The following LRRIQ3 variants were observed in gnomAD, a reference collection of about 807,000 sequenced individuals.
LRRIQ3 encodes leucine rich repeats and IQ motif containing 3.
Under a neutral mutation model 59.3 loss-of-function variants are expected in LRRIQ3, and 75 were observed. That is an observed-to-expected ratio of 1.26 (90% CI 1.05 to 1.53). LRRIQ3 has a LOEUF of 1.53. Among genes scored for constraint, LRRIQ3 ranks in the 40% most tolerant of loss-of-function variants. The probability of loss-of-function intolerance (pLI) is 0.00; values close to 1 mark genes in which losing one functional copy is unlikely to be tolerated. For synonymous variants in LRRIQ3, 250 were observed against 231.3 expected (o/e 1.08, Z -0.73); for missense variants, 831 against 710.0 (o/e 1.17, Z -1.94).
At chr1:74,040,081 T>C (rs1158941157) in intron 7 of LRRIQ3, among the ~76,000 whole-genome samples, 1 of 151,506 alleles carries the variant, frequency 6.6e-6, no homozygotes, top group Non-Finnish European at 1.5e-5. Context: ...AATAAAGGAA[T>C]GGAGGAACAT....
At chr1:74,161,396 A>C (rs2100679959) in intron 3 of LRRIQ3, among the ~76,000 whole-genome samples, 1 of 152,194 alleles carries the variant, frequency 6.6e-6, no homozygotes, top group African/African-American at 2.4e-5. Context: ...CAGAGCTAAT[A>C]ATATTTTGTA....
chr1:74,099,526 A>C (rs1646500450), intron 5 of LRRIQ3, among the ~76,000 whole-genome samples: 1 of 152,210 alleles, frequency 6.6e-6, no homozygotes, highest in East Asian at 1.9e-4. Flanking sequence ...AATCAATAGA[A>C]GAAGAGGGAA....
chr1:74,162,776 T>C (rs1648736824), intron 3 of LRRIQ3, among the ~76,000 whole-genome samples: 1 of 151,656 alleles, frequency 6.6e-6, no homozygotes, highest in African/African-American at 2.4e-5. Flanking sequence ...TTTGTGAATA[T>C]TTTCCATAAG....
At chr1:74,037,003 T>C (rs531943803) in intron 7 of LRRIQ3, among the ~76,000 whole-genome samples, 3 of 152,342 alleles carry the variant, frequency 2.0e-5, no homozygotes, top group Admixed American at 6.5e-5. Flanking sequence ...AAAATATACA[T>C]TGCTTCTTAT....
At chr1:74,191,089 G>A (rs1650737586) in intron 1 of LRRIQ3, among the ~76,000 whole-genome samples, 1 of 152,060 alleles carries the variant, frequency 6.6e-6, no homozygotes, top group South Asian at 2.1e-4. Flanking sequence ...TCAGCAGCAT[G>A]AAAACAGACT....
intron 4 of LRRIQ3, among the ~76,000 whole-genome samples, chr1:74,132,512 C>T (rs1206021140): frequency 6.6e-6 from 1 of 152,064 alleles, no homozygotes; most frequent in African/African-American, 2.4e-5. Context: ...GGTACCAAAA[C>T]AGAGATATAG....
At chr1:74,055,466 T>A (rs1654505245) in intron 6 of LRRIQ3, among the ~76,000 whole-genome samples, 1 of 152,208 alleles carries the variant, frequency 6.6e-6, no homozygotes, top group South Asian at 2.1e-4. Context: ...GTTTTTTGTG[T>A]CTTCTCTCTT....
At chr1:74,165,317 AT>A (rs1265186138) in intron 3 of LRRIQ3, among the ~76,000 whole-genome samples, 1 of 151,524 alleles carries the variant, frequency 6.6e-6, no homozygotes, top group East Asian at 1.9e-4. Flanking sequence ...CTGTGCATGT[AT>A]TGTTAGATTT....
intron 4 of LRRIQ3, among the ~76,000 whole-genome samples, chr1:74,123,152 T>C (rs1646884344): frequency 6.6e-6 from 1 of 152,102 alleles, no homozygotes; most frequent in Non-Finnish European, 1.5e-5. Flanking sequence ...TACTTATTTT[T>C]AAATTTTTAA....
chr1:74,138,124 T>G (rs1419384079), intron 4 of LRRIQ3, among the ~76,000 whole-genome samples: 1 of 147,772 alleles, frequency 6.8e-6, no homozygotes, highest in African/African-American at 2.5e-5. Flanking sequence ...AAGAAATAAA[T>G]ATCCTGGCTC....
chr1:74,061,117 T>A (rs1654710383), intron 6 of LRRIQ3, among the ~76,000 whole-genome samples: 1 of 151,978 alleles, frequency 6.6e-6, no homozygotes, highest in African/African-American at 2.4e-5. Flanking sequence ...ACAAAAGTAA[T>A]AACATCCTCA....
chr1:74,190,475 GAA>G (rs931101885), intron 1 of LRRIQ3, among the ~76,000 whole-genome samples: 1 of 145,986 alleles, frequency 6.8e-6, no homozygotes. Context: ...AAACCAAAGA[GAA>G]AAAAAAAGAC....
intron 6 of LRRIQ3, among the ~76,000 whole-genome samples, chr1:74,049,085 G>GA (rs1557592647): frequency 6.6e-6 from 1 of 152,002 alleles, no homozygotes; most frequent in African/African-American, 2.4e-5. Flanking sequence ...CAAGCAAGGA[G>GA]AAAAAATGAA....
At chr1:74,130,915 A>T (rs1647006804) in intron 4 of LRRIQ3, among the ~76,000 whole-genome samples, 2 of 152,090 alleles carry the variant, frequency 1.3e-5, no homozygotes, top group Non-Finnish European at 2.9e-5. Flanking sequence ...GACACAAAAA[A>T]CCCTTCAAAG....
chr1:74,101,717 T>C (rs916559050), intron 5 of LRRIQ3, among the ~76,000 whole-genome samples: 1 of 152,158 alleles, frequency 6.6e-6, no homozygotes, highest in Non-Finnish European at 1.5e-5. Flanking sequence ...CACCATGGAA[T>C]ACTATGCAGC....
At chr1:74,027,389 T>G (rs373794341) in intron 7 of LRRIQ3, among the ~76,000 whole-genome samples, 1 of 152,100 alleles carries the variant, frequency 6.6e-6, no homozygotes, top group Non-Finnish European at 1.5e-5. Flanking sequence ...TAAGAAGTAG[T>G]TAAGGCTAAA....
chr1:74,079,219 A>T (rs190317351), intron 5 of LRRIQ3, among the ~76,000 whole-genome samples: 1 of 151,854 alleles, frequency 6.6e-6, no homozygotes, highest in Non-Finnish European at 1.5e-5. Flanking sequence ...CGAGGTATAG[A>T]ACATCATCAA....
intron 1 of LRRIQ3, among the ~76,000 whole-genome samples, chr1:74,184,359 G>T (rs1305170214): frequency 6.6e-6 from 1 of 152,112 alleles, no homozygotes; most frequent in Non-Finnish European, 1.5e-5. Flanking sequence ...TCATATATGT[G>T]AATTTTCACT....
At chr1:74,098,350 C>G (rs936608905) in intron 5 of LRRIQ3, among the ~76,000 whole-genome samples, 5 of 152,134 alleles carry the variant, frequency 3.3e-5, no homozygotes, top group Non-Finnish European at 5.9e-5. Context: ...ACAAGAAGAG[C>G]TAACTATCCT....
Sources: gnomAD v4.1 joint callset for allele counts (sites outside exome capture counted in the v4.1 genomes callset) on GRCh38, gnomAD v4.1.1 for gene constraint, MANE v1.5 for transcripts, NCBI Gene and HGNC (gene_info 2026-07-23, HGNC 2026-07-21) for gene names.